Variants in NFASC observed in about 807,000 individuals in gnomAD.
NFASC encodes the protein neurofascin, also known as neurofascin homolog.
A neutral mutation model predicts 147.5 loss-of-function variants in NFASC; 43 were observed. That is an observed-to-expected ratio of 0.29 (90% CI 0.23 to 0.38). The LOEUF (loss-of-function observed/expected upper bound fraction) is 0.38. NFASC is among the 10% of genes least tolerant of loss of function. NFASC has a pLI of 1.00. For missense variants in NFASC, 1,320 were observed against 1,689.0 expected (o/e 0.78, Z 3.83); for synonymous variants, 622 against 665.5 (o/e 0.93, Z 1.01).
intron 2 of NFASC, among the ~76,000 whole-genome samples, chr1:204,933,343 G>A (rs1231291064): frequency 6.6e-6 from 1 of 152,170 alleles, no homozygotes; most frequent in African/African-American, 2.4e-5. Flanking sequence ...ACAGTCTGAG[G>A]GCCTTGATGC....
chr1:204,832,681 T>A (rs1014790968), intron 1 of NFASC, among the ~76,000 whole-genome samples: 1 of 152,232 alleles, frequency 6.6e-6, no homozygotes, highest in Non-Finnish European at 1.5e-5. Flanking sequence ...TCCTGAGCCT[T>A]TGAATCTGTC....
At chr1:204,839,656 C>G (rs968663136) in intron 1 of NFASC, among the ~76,000 whole-genome samples, 1 of 152,188 alleles carries the variant, frequency 6.6e-6, no homozygotes, top group Non-Finnish European at 1.5e-5. Flanking sequence ...TAGGGCTGTC[C>G]TGAGCTCGCC....
At chr1:204,840,132 C>A (rs576990314) in intron 1 of NFASC, among the ~76,000 whole-genome samples, 4 of 152,198 alleles carry the variant, frequency 2.6e-5, no homozygotes, top group Admixed American at 6.5e-5. Flanking sequence ...TCAGAATCAG[C>A]AGGTCTGGAC....
intron 1 of NFASC, among the ~76,000 whole-genome samples, chr1:204,840,311 G>A (rs1025955577): frequency 6.6e-6 from 1 of 152,134 alleles, no homozygotes. Context: ...GACCCAACCT[G>A]TACCAAATAA....
In NFASC at chr1:204,970,633, G is replaced by A. The variant is rs774872764; in HGVS notation, c.1021G>A (p.Asp341Asn). 8.1e-6 allele frequency: 13 copies of A among 1,614,062 alleles called. No homozygotes were observed. Among genetic ancestry groups the A allele is most frequent in the Non-Finnish European group, 1.1e-5 (13 of 1,180,044 alleles). ...TCTTCCAGCTGCTCCCTACTGGCTG[G>A]ACGAACCCAAGAACCTTATTCTGGC... The part of the protein sequence containing the change: ...VRVKAAPYWL[D>N]EPKNLILAPG... The change falls in exon 11 of 30, where the codon GAC becomes AAC. Residue 341 changes from aspartate to asparagine, a missense_variant. Asp to Asn is a conservative substitution (Grantham distance 23, BLOSUM62 1). Transcript: ENST00000339876.
Position 204,954,003 on chromosome 1 carries a change from A to G in NFASC, c.216-185A>G, listed in dbSNP as rs1224990472. Among the ~76,000 whole-genome samples, 1 of 152,002 alleles carries G rather than the reference A, an allele frequency of 6.6e-6. No homozygotes were observed. The highest frequency in any genetic ancestry group is 1.5e-5 in the Non-Finnish European group (1 of 67,994). ...ACTTGGGTGGGACCTGGGACTTTGC[A>G]TTTTATTGAGCTCTCCAGATGGTTC... On this transcript the variant is annotated intron_variant, in intron 5 of 29. Coordinates refer to ENST00000339876, the MANE Select transcript of NFASC (RefSeq NM_001005388.3). This position sits in a 1 kb window ranked among gnomAD's most constrained non-coding sequence, Gnocchi z 5.7.
intron 21 of NFASC, among the ~76,000 whole-genome samples, chr1:204,983,797 A>T (rs763135425): frequency 6.6e-6 from 1 of 152,172 alleles, no homozygotes; most frequent in Non-Finnish European, 1.5e-5. Context: ...GGGGCAAATG[A>T]GTGCCCTCTG....
intron 23 of NFASC, chr1:204,989,943 T>C (rs1461327957): frequency 1.3e-5 from 2 of 151,952 alleles, no homozygotes; most frequent in Admixed American, 1.3e-4. Context: ...CCAGACGGGG[T>C]CTTCTGAATA....
At chr1:205,011,581 C>T (rs568543299) in intron 28 of NFASC, among the ~76,000 whole-genome samples, 4 of 152,164 alleles carry the variant, frequency 2.6e-5, no homozygotes, top group South Asian at 2.1e-4. Context: ...AACAGTTCTT[C>T]GAAACTAACC....
chr1:204,851,070 T>C (rs1305520188), intron 1 of NFASC, among the ~76,000 whole-genome samples: 2 of 152,220 alleles, frequency 1.3e-5, no homozygotes, highest in East Asian at 3.8e-4. Context: ...TAATTATATC[T>C]GAAGTGGATT....
chr1:204,865,576 A>ATAAT (rs2077042370), intron 1 of NFASC, among the ~76,000 whole-genome samples: 1 of 152,224 alleles, frequency 6.6e-6, no homozygotes, highest in African/African-American at 2.4e-5. Context: ...GTCAAAAATC[A>ATAAT]GTTGACCATA....
chr1:204,857,889 T>C (rs1488960180), intron 1 of NFASC, among the ~76,000 whole-genome samples: 5 of 151,592 alleles, frequency 3.3e-5, no homozygotes, highest in Admixed American at 3.3e-4. Flanking sequence ...CCTCTGCAAA[T>C]GTCTGTGTCC....
At chr1:204,983,913 C>T (rs1029502058) in intron 21 of NFASC, 80 of 689,150 alleles carry the variant, frequency 1.2e-4, no homozygotes, top group Non-Finnish European at 2.0e-4. Flanking sequence ...GGCCCCTGCC[C>T]TCATGGAATG....
chr1:204,944,098 A>T lies in NFASC; in HGVS notation c.-90-128A>T. ...GTGTCAGTAGTGTTGAGGTTAAGAA[A>T]CTCTGCTCTATCTAGAACATTACTC... On this transcript the variant is annotated intron_variant, in intron 2 of 29. Transcript: ENST00000339876. The T allele has an allele frequency of 3.8e-6, 3 of 792,436 alleles. No homozygotes were observed. In the South Asian group the frequency reaches 4.8e-5, roughly 13 times the overall value. 49.1% of individuals were successfully genotyped at this position (792,436 alleles called of 1,614,324 possible). A position where few individuals can be genotyped will look rare whatever the true frequency, so the allele number is the denominator to read the frequency against.
chr1:204,918,987 G>C (rs923344694), intron 1 of NFASC, among the ~76,000 whole-genome samples: 3 of 151,966 alleles, frequency 2.0e-5, no homozygotes, highest in Non-Finnish European at 4.4e-5. Flanking sequence ...ACTTCTGTCT[G>C]TCCCCTGCAC....
Position 204,974,267 on chromosome 1 carries a change from G to A in NFASC, c.1368G>A (p.Gly456=), listed in dbSNP as rs752327641. ...CGCGGCTGGACTGCCCTTTCTTTGGGTCTCCCATCCCCACACTGCGATGGT... is the reference window on the plus strand; with the variant it reads ...CGCGGCTGGACTGCCCTTTCTTTGGATCTCCCATCCCCACACTGCGATGGT... ...NRTRLDCPFF[G]SPIPTLRWFK... is the part of the protein sequence containing the mutation. Residue 456 remains glycine, a synonymous_variant, in exon 13 of 30, where the codon GGG becomes GGA. Coordinates refer to ENST00000339876, the MANE Select transcript of NFASC (RefSeq NM_001005388.3). 6 of 1,613,980 alleles carry A rather than the reference G, an allele frequency of 3.7e-6. No individual in the cohort carries two copies. Among genetic ancestry groups the A allele is most frequent in the Non-Finnish European group, 5.1e-6 (6 of 1,179,926 alleles).
At position 204,921,226 on chromosome 1, in the gene NFASC, C is replaced by G. The variant is rs117499180; in HGVS notation, c.-91+486C>G. On this transcript the variant is annotated intron_variant, in intron 2 of 29. Coordinates refer to ENST00000339876, the MANE Select transcript of NFASC (RefSeq NM_001005388.3). The stretch of plus-strand genomic sequence containing the variant: ...AAGGCCCACAGCACTTAGCCATGCC[C>G]TGTGCCCAGGGTCTGCCTTGTTCCA... Among the ~76,000 whole-genome samples the G allele has an allele frequency of 3.2e-3, 485 of 152,312 alleles. 11 individuals carry two copies. Among genetic ancestry groups the G allele is most frequent in the East Asian group, 0.012 (64 of 5,168 alleles).
chr1:204,955,033 C>G (rs2094360460), intron 7 of NFASC, 82 bp downstream of exon 7: 5 of 1,546,606 alleles, frequency 3.2e-6, no homozygotes, highest in Non-Finnish European at 4.4e-6. Context: ...AGGGGCTTGC[C>G]CAAGCTAGAA....
intron 2 of NFASC, among the ~76,000 whole-genome samples, chr1:204,927,068 C>T (rs1268282716): frequency 6.6e-6 from 1 of 152,006 alleles, no homozygotes; most frequent in East Asian, 1.9e-4. Flanking sequence ...GAGGGAGACT[C>T]CATCTCAAAA....
Sources: allele counts gnomAD v4.1 joint callset (sites outside exome capture counted in the v4.1 genomes callset), GRCh38; gene constraint gnomAD v4.1.1; non-coding constraint Gnocchi (gnomAD v3.1); transcripts MANE v1.5; gene names NCBI Gene and HGNC (gene_info 2026-07-23, HGNC 2026-07-21).